RPS6KC1: variants seen among roughly 807,000 people sequenced by gnomAD.
RPS6KC1 encodes ribosomal protein S6 kinase C1, also known as inactive ribosomal protein S6 kinase delta-1.
Under a neutral mutation model 103.8 loss-of-function variants are expected in RPS6KC1, and 54 were observed. That is an observed-to-expected ratio of 0.52 (90% CI 0.42 to 0.65). RPS6KC1 has a LOEUF of 0.65. Ranked by LOEUF, RPS6KC1 falls within the 30% of genes least tolerant of loss-of-function variation. The pLI is 0.00. For missense variants in RPS6KC1, 1,151 were observed against 1,253.8 expected, an observed-to-expected ratio of 0.92 and a Z score of 1.24; for synonymous variants, 439 against 438.7, an observed-to-expected ratio of 1.00 and a Z score of -0.01.
At chr1:213,534,475 G>T in the RPS6KC1 span, among the ~76,000 whole-genome samples, 1 of 152,252 alleles carries the variant, frequency 6.6e-6, no homozygotes, top group South Asian at 2.1e-4. Context: ...CCTAAAGATA[G>T]AGTAGAAAAA....
chr1:213,542,359 C>A, the RPS6KC1 span, among the ~76,000 whole-genome samples: 2,500 of 152,296 alleles, frequency 0.016, 30 homozygotes, highest in South Asian at 0.032. Context: ...CTGCAGGGAG[C>A]AGAGTCCCCC....
chr1:213,527,535 C>T, the RPS6KC1 span, among the ~76,000 whole-genome samples: 1 of 152,130 alleles, frequency 6.6e-6, no homozygotes, highest in Non-Finnish European at 1.5e-5. Flanking sequence ...GGGTGGGTAG[C>T]ATCATACTAA....
the RPS6KC1 span, among the ~76,000 whole-genome samples, chr1:213,464,196 T>C: frequency 3.3e-5 from 5 of 152,212 alleles, no homozygotes; most frequent in African/African-American, 4.8e-5. Flanking sequence ...AGAATTATTA[T>C]GCTAGCTTCA....
chr1:213,520,220 A>G, the RPS6KC1 span, among the ~76,000 whole-genome samples: 3 of 152,216 alleles, frequency 2.0e-5, no homozygotes, highest in Admixed American at 6.5e-5. Context: ...ATGGACTCAC[A>G]GTTCTGGCTG....
At chr1:213,572,917 C>G in the RPS6KC1 span, among the ~76,000 whole-genome samples, 1 of 152,254 alleles carries the variant, frequency 6.6e-6, no homozygotes, top group Non-Finnish European at 1.5e-5. Context: ...ACATGTCTCT[C>G]TGTGTGTGTT....
chr1:213,683,754 G>A, the RPS6KC1 span, among the ~76,000 whole-genome samples: 2 of 152,006 alleles, frequency 1.3e-5, no homozygotes, highest in East Asian at 1.9e-4. Context: ...CCAACTCCAC[G>A]TTCCCCACCT....
chr1:213,839,977 G>A, the RPS6KC1 span: 1 of 152,116 alleles, frequency 6.6e-6, no homozygotes, highest in Non-Finnish European at 1.5e-5. Context: ...CTGCCTATTT[G>A]TAAATGGGGA....
chr1:213,570,214 G>C, the RPS6KC1 span, among the ~76,000 whole-genome samples: 1 of 152,130 alleles, frequency 6.6e-6, no homozygotes, highest in Non-Finnish European at 1.5e-5. Context: ...ACCTCATTGA[G>C]TTCTAGTTTT....
chr1:213,637,992 T>A, the RPS6KC1 span, among the ~76,000 whole-genome samples: 1 of 151,824 alleles, frequency 6.6e-6, no homozygotes, highest in East Asian at 1.9e-4. Flanking sequence ...AATGTTAAAA[T>A]TTTTTTTGTA....
chr1:213,203,101 A>G (rs1276619661), intron 8 of RPS6KC1, among the ~76,000 whole-genome samples: 6 of 152,136 alleles, frequency 3.9e-5, no homozygotes, highest in Admixed American at 3.3e-4. Flanking sequence ...TTAAACTCCT[A>G]CTAGTAGTAC....
At chr1:213,133,598 A>G (rs1278335567) in intron 6 of RPS6KC1, among the ~76,000 whole-genome samples, 1 of 152,152 alleles carries the variant, frequency 6.6e-6, no homozygotes, top group Admixed American at 6.6e-5. Flanking sequence ...CATTGTTAGT[A>G]ACACCCATCT....
chr1:213,089,537 C>T (rs1003491646), intron 3 of RPS6KC1, among the ~76,000 whole-genome samples: 1 of 151,968 alleles, frequency 6.6e-6, no homozygotes, highest in African/African-American at 2.4e-5. Flanking sequence ...TCTTGGCTCA[C>T]TGCAACCTCC....
chr1:213,067,294 G>T (rs1233579273), intron 1 of RPS6KC1, among the ~76,000 whole-genome samples: 2 of 152,114 alleles, frequency 1.3e-5, no homozygotes, highest in Non-Finnish European at 2.9e-5. Flanking sequence ...TCAGATATTC[G>T]GGGTTCACAA....
the RPS6KC1 span, among the ~76,000 whole-genome samples, chr1:213,793,732 T>G: frequency 6.6e-6 from 1 of 152,182 alleles, no homozygotes; most frequent in African/African-American, 2.4e-5. Context: ...GCCAGTAAAT[T>G]TTTAAAGTCA....
At chr1:213,782,009 A>G in the RPS6KC1 span, among the ~76,000 whole-genome samples, 2 of 152,148 alleles carry the variant, frequency 1.3e-5, no homozygotes, top group Non-Finnish European at 2.9e-5. Flanking sequence ...AAATTTTCGA[A>G]CCACCCCTTT....
the RPS6KC1 span, among the ~76,000 whole-genome samples, chr1:213,450,217 CT>C: frequency 2.0e-4 from 30 of 152,046 alleles, no homozygotes; most frequent in South Asian, 6.0e-3. Flanking sequence ...CTGTGGTCAA[CT>C]TTTTTTTCTT....
the RPS6KC1 span, among the ~76,000 whole-genome samples, chr1:213,427,916 ATCC>A: frequency 2.6e-5 from 4 of 152,230 alleles, no homozygotes; most frequent in East Asian, 7.7e-4. Flanking sequence ...GTAGGAATCC[ATCC>A]AACAACATCC....
chr1:213,576,107 C>T, the RPS6KC1 span, among the ~76,000 whole-genome samples: 2 of 152,138 alleles, frequency 1.3e-5, no homozygotes, highest in Non-Finnish European at 2.9e-5. Context: ...GGCACGCATA[C>T]AGCTGGCTCT....
intron 5 of RPS6KC1, chr1:213,125,697 T>C (rs1018501185): frequency 6.6e-6 from 1 of 151,728 alleles, no homozygotes; most frequent in Non-Finnish European, 1.5e-5. Context: ...TAAGAAATTA[T>C]TTAGAATTTG....
Sources: allele counts gnomAD v4.1 joint callset (sites outside exome capture counted in the v4.1 genomes callset), GRCh38; gene constraint gnomAD v4.1.1; transcripts MANE v1.5; gene names NCBI Gene and HGNC (gene_info 2026-07-23, HGNC 2026-07-21).